DCLK1: variants seen among roughly 807,000 people sequenced by gnomAD.
DCLK1 encodes the protein doublecortin like kinase 1, also known as serine/threonine-protein kinase DCLK1.
A neutral mutation model predicts 86.2 loss-of-function variants in DCLK1; 16 were observed. The ratio of observed to expected loss-of-function variants is 0.19; its 90% confidence interval spans 0.13 to 0.28. The LOEUF (loss-of-function observed/expected upper bound fraction) is 0.28, where lower values mean the gene tolerates loss of function less well. Ranked by LOEUF, DCLK1 falls within the 10% of genes least tolerant of loss-of-function variation. The pLI is 1.00. For synonymous variants in DCLK1, 369 were observed against 370.5 expected, an observed-to-expected ratio of 1.00 and a Z score of 0.05; for missense variants, 590 against 940.2, an observed-to-expected ratio of 0.63 and a Z score of 4.87.
Position 35,769,803 on chromosome 13 carries a change from C to G in DCLK1, c.*4732G>C, listed in dbSNP as rs1011096753. 2 of 152,126 alleles carry G rather than the reference C, an allele frequency of 1.3e-5. No homozygotes were observed. The highest frequency in any genetic ancestry group is 2.9e-5 in the Non-Finnish European group (2 of 67,996). The allele number at this position is 152,126 out of a possible 1,614,324, so 9.4% of individuals were successfully genotyped here. ...GGGTCTCAATTTCATTGAACAGAAA[C>G]AAATGCTGAAGAAATTTACAGGTAT... On this transcript the variant is annotated 3_prime_UTR_variant, in exon 17 of 17. Transcript: ENST00000360631.
At chr13:35,809,225 C>T (rs938813241) in intron 12 of DCLK1, 130 bp from the exon 13 acceptor site, 15 of 579,498 alleles carry the variant, frequency 2.6e-5, no homozygotes, top group South Asian at 1.2e-4. Flanking sequence ...CAACAACAAA[C>T]GCTAAACTAA....
intron 5 of DCLK1, chr13:35,855,607 G>C: frequency 5.2e-6 from 8 of 1,547,714 alleles, no homozygotes; most frequent in Non-Finnish European, 7.0e-6. Context: ...CGCGGAAATG[G>C]GAATCGGTTG....
chr13:35,789,446 T>C (rs1035459465), intron 16 of DCLK1, among the ~76,000 whole-genome samples: 1 of 152,202 alleles, frequency 6.6e-6, no homozygotes, highest in African/African-American at 2.4e-5. Flanking sequence ...GTATACTGGC[T>C]CTCAGGAAGA....
At chr13:35,817,234 G>A (rs913740206) in intron 11 of DCLK1, among the ~76,000 whole-genome samples, 1 of 152,094 alleles carries the variant, frequency 6.6e-6, no homozygotes, top group Non-Finnish European at 1.5e-5. Flanking sequence ...TCATCTCCCT[G>A]ATGAAATCAC....
intron 4 of DCLK1, among the ~76,000 whole-genome samples, chr13:35,931,688 AC>A (rs1438080618): frequency 6.6e-6 from 1 of 152,202 alleles, no homozygotes; most frequent in Non-Finnish European, 1.5e-5. Context: ...CTTAAAAGAA[AC>A]AGCTGAGGAA....
At chr13:35,900,204 T>G (rs546003056) in intron 4 of DCLK1, among the ~76,000 whole-genome samples, 1 of 152,080 alleles carries the variant, frequency 6.6e-6, no homozygotes, top group South Asian at 2.1e-4. Flanking sequence ...TAAAGCTGAT[T>G]TCTTTAGCTT....
intron 4 of DCLK1, among the ~76,000 whole-genome samples, chr13:35,942,052 G>A (rs983302528): frequency 3.3e-5 from 5 of 152,038 alleles, no homozygotes; most frequent in Admixed American, 2.0e-4. Context: ...AGTTTATCTT[G>A]TTAGATACAA....
intron 13 of DCLK1, 99 bp from the exon 14 acceptor site, chr13:35,808,419 T>C (rs2087073735): frequency 2.1e-6 from 2 of 960,988 alleles, no homozygotes; most frequent in African/African-American, 1.6e-5. Context: ...TTTCCCCCCA[T>C]AAATGTGTAA....
chr13:36,029,056 G>A (rs937864592), intron 3 of DCLK1, among the ~76,000 whole-genome samples: 10 of 152,210 alleles, frequency 6.6e-5, no homozygotes, highest in African/African-American at 2.2e-4. Context: ...TGCCTATGCA[G>A]TAGCCATGCT....
intron 3 of DCLK1, among the ~76,000 whole-genome samples, chr13:35,970,376 T>C (rs1197032976): frequency 6.6e-6 from 1 of 152,240 alleles, no homozygotes; most frequent in African/African-American, 2.4e-5. Context: ...CCGCTTCTGA[T>C]ATTTTGCCAA....
chr13:35,926,634 C>G (rs1361522390), intron 4 of DCLK1, among the ~76,000 whole-genome samples: 1 of 152,206 alleles, frequency 6.6e-6, no homozygotes, highest in Non-Finnish European at 1.5e-5. Context: ...CCATTTTAAT[C>G]AAGAGATGAC....
At chr13:36,058,957 G>A (rs978483781) in intron 3 of DCLK1, among the ~76,000 whole-genome samples, 6 of 152,278 alleles carry the variant, frequency 3.9e-5, no homozygotes, top group South Asian at 4.1e-4. Flanking sequence ...ATTGACATTC[G>A]TGGCCAAAGA....
Position 35,976,535 on chromosome 13 carries a change from T to G in DCLK1, c.724-29078A>C, listed in dbSNP as rs998155110. On this transcript the variant is annotated intron_variant, in intron 3 of 16. Transcript: ENST00000360631. Reference sequence around the variant, plus strand: ...TTCAGCTTCTCCGAGGTTTTTTTTTTTTTTTTTTTTTTTGAGACGGAGTCT... The same window carrying G: ...TTCAGCTTCTCCGAGGTTTTTTTTTGTTTTTTTTTTTTTGAGACGGAGTCT... Among the ~76,000 whole-genome samples, 157 of 118,922 alleles carry G rather than the reference T, an allele frequency of 1.3e-3. 8 individuals carry two copies. The highest frequency in any genetic ancestry group is 5.7e-3 in the South Asian group (19 of 3,308). 78.0% of individuals were successfully genotyped at this position (118,922 alleles called of 152,430 possible).
chr13:35,843,413 T>G lies in DCLK1; in HGVS notation c.1036-4237A>C, dbSNP rs141035783. On this transcript the variant is annotated intron_variant, in intron 6 of 16. Coordinates refer to ENST00000360631, the MANE Select transcript of DCLK1 (RefSeq NM_001330071.2). ...CCTAAGTAAGAACACATCCTAAGTG[T>G]AGCTATTGAGCTTGGGATCATATAA... Among the ~76,000 whole-genome samples, 212 of 152,302 alleles carry G rather than the reference T, an allele frequency of 1.4e-3. 2 individuals are homozygous for G. The highest frequency in any genetic ancestry group is 4.6e-3 in the African/African-American group (191 of 41,572).
At chr13:36,113,313 T>C (rs1885676190) in intron 2 of DCLK1, among the ~76,000 whole-genome samples, 1 of 152,180 alleles carries the variant, frequency 6.6e-6, no homozygotes, top group Non-Finnish European at 1.5e-5. Context: ...CAGTTATACA[T>C]GTTACTGAAC....
intron 2 of DCLK1, among the ~76,000 whole-genome samples, chr13:36,116,051 G>A (rs1885775107): frequency 6.6e-6 from 1 of 151,766 alleles, no homozygotes; most frequent in Admixed American, 6.6e-5. Flanking sequence ...CTGAGTCCAA[G>A]CAATTCTCCT....
At chr13:35,905,822 A>G (rs1451871742) in intron 4 of DCLK1, among the ~76,000 whole-genome samples, 1 of 150,138 alleles carries the variant, frequency 6.7e-6, no homozygotes, top group East Asian at 1.9e-4. Context: ...GTGGTGTGGG[A>G]CTGTGGGCTC....
intron 4 of DCLK1, among the ~76,000 whole-genome samples, chr13:35,920,187 T>A (rs571193151): frequency 1.3e-5 from 2 of 152,356 alleles, no homozygotes; most frequent in Non-Finnish European, 1.5e-5. Flanking sequence ...TCTGCAACTA[T>A]GTCCACATCT....
intron 1 of DCLK1, among the ~76,000 whole-genome samples, chr13:36,126,874 A>G (rs1886206267): frequency 2.0e-5 from 3 of 152,222 alleles, no homozygotes; most frequent in Admixed American, 2.0e-4. Flanking sequence ...AAAAGAAGAA[A>G]CTGAGGCACA....
Sources: allele counts gnomAD v4.1 joint callset (sites outside exome capture counted in the v4.1 genomes callset), GRCh38; gene constraint gnomAD v4.1.1; transcripts MANE v1.5; gene names NCBI Gene and HGNC (gene_info 2026-07-23, HGNC 2026-07-21).